The following TMC6 variants were observed in gnomAD, a reference collection of about 807,000 sequenced individuals.
TMC6 encodes the protein transmembrane channel-like protein 6.
Under a neutral mutation model 95.4 loss-of-function variants are expected in TMC6, and 71 were observed. The ratio of observed to expected loss-of-function variants is 0.74; its 90% confidence interval spans 0.61 to 0.91. The LOEUF is 0.91. Among genes scored for constraint, TMC6 ranks in the 40% least tolerant of loss-of-function variants. The pLI is 0.00. For synonymous variants in TMC6, 514 were observed against 483.1 expected, an observed-to-expected ratio of 1.06 and a Z score of -0.84; for missense variants, 1,074 against 1,079.1, an observed-to-expected ratio of 1.00 and a Z score of 0.07.
In TMC6 at chr17:78,111,573, G is replaced by GC. The variant is rs1315989730; in HGVS notation, c.*1574dup. ...TGCCACAGTTGGCTGCCCAGAATCA[G>GC]CACCAGCTACTTGCTGAGGCCCAGA... On this transcript the variant is annotated 3_prime_UTR_variant, in exon 20 of 20. Transcript: ENST00000590602. The GC allele has an allele frequency of 6.5e-6, 1 of 152,792 alleles. No homozygotes were observed. The highest frequency in any genetic ancestry group is 1.5e-5 in the Non-Finnish European group (1 of 68,408). 9.5% of individuals were successfully genotyped at this position (152,792 alleles called of 1,614,324 possible).
chr17:78,119,639 A>AT (rs2074310084), intron 13 of TMC6: 1 of 560,894 alleles, frequency 1.8e-6, no homozygotes, highest in Admixed American at 3.0e-5. Flanking sequence ...GCACCAAATG[A>AT]TTTTTTCTTT....
intron 14 of TMC6, 79 bp downstream of exon 14, chr17:78,119,218 A>G: frequency 6.4e-7 from 1 of 1,555,554 alleles, no homozygotes; most frequent in Non-Finnish European, 8.9e-7. Context: ...CCCCAGGGGG[A>G]GGCAGGTACA....
chr17:78,125,381 C>T, intron 5 of TMC6, 118 bp from the exon 6 acceptor site: 1 of 938,892 alleles, frequency 1.1e-6, no homozygotes, highest in Non-Finnish European at 1.7e-6. Flanking sequence ...ACCTCGGTGC[C>T]CTTATTTGAG....
At chr17:78,123,857 G>A (rs2074555954) in intron 9 of TMC6, 132 bp downstream of exon 9, 8 of 1,209,670 alleles carry the variant, frequency 6.6e-6, no homozygotes, top group African/African-American at 3.0e-5. Flanking sequence ...AGTTGGATAG[G>A]TGAGTGGATG....
intron 15 of TMC6, among the ~76,000 whole-genome samples, chr17:78,118,399 C>CA (rs1451494350): frequency 2.0e-5 from 3 of 151,948 alleles, no homozygotes; most frequent in Admixed American, 6.6e-5. Context: ...ACTAAAAATA[C>CA]AAAAAAATTA....
At chr17:78,132,006 G>C, upstream of TMC6, 1 of 1,532,988 alleles carries the variant, frequency 6.5e-7, no homozygotes, top group Non-Finnish European at 8.7e-7. Flanking sequence ...TGGGCTCTGG[G>C]AGGGGGCGCT....
At position 78,124,108 on chromosome 17, in the gene TMC6, G is replaced by T. The variant is rs1467282808; in HGVS notation, c.963C>A (p.Ser321Arg). The T allele has an allele frequency of 6.2e-7, 1 of 1,613,260 alleles. No individual in the cohort carries two copies. Reference protein sequence around the residue: ...SNATLNQPCGSPLDGSQCTPR... With the variant: ...SNATLNQPCGRPLDGSQCTPR... ...GTGTGCACTGGCTGCCATCCAGGGG[G>T]CTGCCACACGGCTGGTTCAGCGTGG... Residue 321 changes from serine (S) to arginine (R), a missense_variant, in exon 9 of 20, where the codon AGC (serine) becomes AGA (arginine). Ser to Arg is a moderately radical substitution (Grantham distance 110). Transcript: ENST00000590602.
At chr17:78,117,721 C>A (rs1447439788) in intron 16 of TMC6, 77 bp from the exon 17 acceptor site, 2 of 1,562,962 alleles carry the variant, frequency 1.3e-6, no homozygotes, top group Non-Finnish European at 8.7e-7. Flanking sequence ...TCCTCTGCAC[C>A]CCTAAGCCTT....
At chr17:78,131,762 G>A (rs772216975), upstream of TMC6, 31 of 1,565,748 alleles carry the variant, frequency 2.0e-5, no homozygotes, top group Non-Finnish European at 2.3e-5. Context: ...GGCGCCAGAC[G>A]GTGCGTGGGG....
At chr17:78,132,336 C>T (rs1299164577), upstream of TMC6, 2 of 1,612,120 alleles carry the variant, frequency 1.2e-6, no homozygotes, top group South Asian at 2.2e-5. Context: ...GCCTCCCTGA[C>T]CCACCCTGCT....
Position 78,122,621 on chromosome 17 carries a change from A to G in TMC6, c.1211T>C (p.Ile404Thr). The change falls in exon 10 of 20, where the codon ATT becomes ACT. Residue 404 changes from isoleucine to threonine, a missense_variant. Physicochemically the swap from Ile to Thr is moderately conservative, Grantham distance 89 (BLOSUM62 -1). Transcript: ENST00000590602. This position sits in a 1 kb window ranked among gnomAD's most constrained non-coding sequence, Gnocchi z 4.9. ...GCCACTCACCTTCAGCCGGGTGCGA[A>G]TATTGTCCTGCTGGAGGCGGGAGGC... Reference protein sequence around the residue: ...KRASRLQQDNIRTRLKELLAE... With the variant: ...KRASRLQQDNTRTRLKELLAE... The G allele has an allele frequency of 6.2e-7, 1 of 1,611,386 alleles. No homozygotes were observed.
upstream of TMC6, among the ~76,000 whole-genome samples, chr17:78,129,125 C>T (rs577307304): frequency 4.6e-4 from 68 of 149,408 alleles, no homozygotes; most frequent in African/African-American, 1.6e-3. The surrounding 1 kb of genome is among the most constrained non-coding windows in gnomAD (Gnocchi z 4.3). Context: ...CGCCCCCCCC[C>T]CCGCCGCCCC....
In TMC6 at chr17:78,117,520, G is replaced by A. The variant is rs566751716; in HGVS notation, c.2146C>T (p.Arg716Trp). The A allele has an allele frequency of 2.4e-5, 39 of 1,605,398 alleles. No individual in the cohort carries two copies. The East Asian group carries it at 3.8e-4, about 16-fold the overall frequency. The change falls in exon 17 of 20, where the codon CGG (arginine) becomes TGG (tryptophan). Residue 716 changes from arginine (R) to tryptophan (W), a missense_variant. By Grantham distance (101) the Arg-to-Trp change is moderately radical. Coordinates refer to ENST00000590602, the MANE Select transcript of TMC6 (RefSeq NM_001127198.5). ...AAGAAGGTGTTTTCCATCAGGTACC[G>A]GTGCACCCAGGGCAGCCAGGAGACC... ...PRVSWLPWVH[R>W]YLMENTFFVF...
upstream of TMC6, chr17:78,132,056 C>G: frequency 6.5e-7 from 1 of 1,534,852 alleles, no homozygotes; most frequent in East Asian, 2.4e-5. Flanking sequence ...CCCGCACCTC[C>G]CCTTGCCCTC....
rs2613522 is a variant in TMC6 at position 78,123,984 on chromosome 17, A to G, written c.1082+5T>C. The G allele has an allele frequency of 0.31, 501,006 of 1,613,310 alleles. 84,196 individuals carry two copies. The highest frequency in any genetic ancestry group is 0.62 in the African/African-American group (46,760 of 74,914). On this transcript the variant is annotated splice_donor_5th_base_variant and intron_variant, in intron 9 of 19. Transcript: ENST00000590602. ...GGAGCCTGGGTCATGAGGTGGAGGC[A>G]TTACCTGTACACCAGGGTGATGCAG...
chr17:78,126,292 G>T lies in TMC6; in HGVS notation c.256C>A (p.Pro86Thr). The T allele has an allele frequency of 6.4e-7, 1 of 1,562,160 alleles. No homozygotes were observed. Residue 86 changes from proline (P) to threonine (T), a missense_variant, in exon 4 of 20, where the codon CCC becomes ACC. Pro to Thr is a conservative substitution (Grantham distance 38). Coordinates refer to ENST00000590602, the MANE Select transcript of TMC6 (RefSeq NM_001127198.5). ...TATLRILASM[P>T]SRTIGRSRGA... ...TCCCACTCACCAATGGTGCGGCTGG[G>T]CATGCTGGCCAGGATGCGGAGTGTG...
In TMC6 at chr17:78,120,686, A is replaced by C. The variant is rs1180609768; in HGVS notation, c.1682T>G (p.Leu561Trp). Residue 561 changes from leucine to tryptophan, a missense_variant, in exon 13 of 20, where the codon TTG becomes TGG. By Grantham distance (61) the Leu-to-Trp change is moderately conservative (BLOSUM62 -2). Transcript: ENST00000590602. The part of the protein sequence containing the change: ...RFLVMDFVLM[L>W]LDTLFGELVW... ...CAGTTCCCCAAAAAGCGTGTCCAGCAACATGAGGACGAAGTCCATCACCAG... is the reference window on the plus strand; with the variant it reads ...CAGTTCCCCAAAAAGCGTGTCCAGCCACATGAGGACGAAGTCCATCACCAG... 1.9e-6 allele frequency: 3 copies of C among 1,613,950 alleles called. No individual in the cohort carries two copies. Among genetic ancestry groups the C allele is most frequent in the South Asian group, 1.1e-5 (1 of 91,086 alleles).
Position 78,113,580 on chromosome 17 carries a change from G to A in TMC6, c.2322C>T (p.Ile774=). The A allele has an allele frequency of 5.0e-6, 8 of 1,613,946 alleles. No individual in the cohort carries two copies. Among genetic ancestry groups the A allele is most frequent in the Non-Finnish European group, 6.8e-6 (8 of 1,180,012 alleles). The stretch of plus-strand genomic sequence containing the variant: ...TCTCCTCCCTCTCCTTCCTCTCGTA[G>A]ATGGAGTGAAGCTTGTTGATTAAGA... The part of the protein sequence containing the change: ...KIFLINKLHS[I]YERKEREERS... The change falls in exon 19 of 20, where the codon ATC becomes ATT. Residue 774 remains isoleucine (I), a synonymous_variant. Coordinates refer to ENST00000590602, the MANE Select transcript of TMC6 (RefSeq NM_001127198.5).
In TMC6 at chr17:78,112,901, G is replaced by C. The variant is rs1045892838; in HGVS notation, c.*247C>G. 4.3e-5 allele frequency: 24 copies of C among 554,538 alleles called. No homozygotes were observed. Among genetic ancestry groups the C allele is most frequent in the Non-Finnish European group, 6.7e-5 (21 of 313,636 alleles). The allele number at this position is 554,538 out of a possible 1,614,324, so 34.4% of individuals were successfully genotyped here. A position where few individuals can be genotyped will look rare whatever the true frequency, so the allele number is the denominator to read the frequency against. ...GGCCCCGGGTGTGGTCACAGACACAGAGCCCCAAGGGACAAGCCCATTTGC... is the reference window on the plus strand; with the variant it reads ...GGCCCCGGGTGTGGTCACAGACACACAGCCCCAAGGGACAAGCCCATTTGC... On this transcript the variant is annotated 3_prime_UTR_variant, in exon 20 of 20. Transcript: ENST00000590602.
Sources: allele counts gnomAD v4.1 joint callset (sites outside exome capture counted in the v4.1 genomes callset), GRCh38; gene constraint gnomAD v4.1.1; non-coding constraint Gnocchi (gnomAD v3.1); transcripts MANE v1.5; gene names NCBI Gene and HGNC (gene_info 2026-07-23, HGNC 2026-07-21).